The following EYS variants were observed in gnomAD, a reference collection of about 807,000 sequenced individuals.
EYS encodes protein eyes shut homolog.
EYS carries 250 observed loss-of-function variants against 282.1 expected under a neutral mutation model. That is an observed-to-expected ratio of 0.89 (90% CI 0.80 to 0.98). EYS has a LOEUF of 0.98. Ranked by LOEUF, EYS falls within the 50% of genes least tolerant of loss-of-function variation. The probability of loss-of-function intolerance (pLI) is 0.00; values close to 1 mark genes in which losing one functional copy is unlikely to be tolerated. For synonymous variants in EYS, 1,355 were observed against 1,282.9 expected (o/e 1.06, Z -1.20); for missense variants, 4,016 against 3,709.0 (o/e 1.08, Z -2.15).
intron 5 of EYS, among the ~76,000 whole-genome samples, chr6:65,488,305 G>C (rs530048386): frequency 1.3e-5 from 2 of 152,118 alleles, no homozygotes; most frequent in South Asian, 4.1e-4. Context: ...TCTCTTGTGG[G>C]CATTTAGGGC....
intron 13 of EYS, among the ~76,000 whole-genome samples, chr6:64,998,399 A>G (rs758246571): frequency 6.6e-6 from 1 of 152,170 alleles, no homozygotes; most frequent in Non-Finnish European, 1.5e-5. Flanking sequence ...CATGAAATCT[A>G]TACTCCCATT....
intron 22 of EYS, among the ~76,000 whole-genome samples, chr6:64,659,850 A>T (rs1583008816): frequency 2.0e-5 from 3 of 152,184 alleles, no homozygotes; most frequent in Admixed American, 6.5e-5. Flanking sequence ...TATTCCAATC[A>T]ATAGAAAAAG....
intron 15 of EYS, among the ~76,000 whole-genome samples, chr6:64,921,592 G>A (rs1412743976): frequency 6.6e-6 from 1 of 152,142 alleles, no homozygotes; most frequent in Admixed American, 6.5e-5. Flanking sequence ...GAGTCCAAGT[G>A]ATATTCAAAA....
chr6:64,038,607 T>C (rs2149835406), intron 33 of EYS, among the ~76,000 whole-genome samples: 1 of 152,092 alleles, frequency 6.6e-6, no homozygotes, highest in East Asian at 1.9e-4. Context: ...TAAAATTATA[T>C]AAAATGTTTT....
At chr6:65,628,108 G>C (rs2149806273) in intron 2 of EYS, among the ~76,000 whole-genome samples, 1 of 152,020 alleles carries the variant, frequency 6.6e-6, no homozygotes, top group East Asian at 1.9e-4. Context: ...GTGCACCAGT[G>C]GACACTCTGT....
chr6:65,479,483 A>T (rs73741600), intron 5 of EYS, among the ~76,000 whole-genome samples: 1,676 of 152,316 alleles, frequency 0.011, 32 homozygotes, highest in African/African-American at 0.038. Context: ...TGGCTAAGGA[A>T]ATAAAAATAG....
intron 22 of EYS, among the ~76,000 whole-genome samples, chr6:64,746,085 C>T (rs773762914): frequency 6.6e-6 from 1 of 151,566 alleles, no homozygotes; most frequent in Non-Finnish European, 1.5e-5. Context: ...ACTAGCAATA[C>T]CCCAAATAAA....
intron 33 of EYS, among the ~76,000 whole-genome samples, chr6:64,027,679 G>T (rs552018311): frequency 6.6e-6 from 1 of 152,152 alleles, no homozygotes; most frequent in Non-Finnish European, 1.5e-5. Flanking sequence ...CTTTAAAAAA[G>T]ATTGTCCAAT....
chr6:64,217,657 T>C (rs971001290), intron 31 of EYS, among the ~76,000 whole-genome samples: 9 of 152,298 alleles, frequency 5.9e-5, no homozygotes, highest in African/African-American at 2.2e-4. Flanking sequence ...AGAGGCCTTT[T>C]CCTATTTTCT....
intron 33 of EYS, among the ~76,000 whole-genome samples, chr6:64,000,168 CTTTTTTTTTTTTTTTTTTTT>C (rs71551553): frequency 8.7e-4 from 37 of 42,734 alleles, no homozygotes; most frequent in East Asian, 6.8e-3. Context: ...AGACATGGGA[CTTTTTTTTTTTTTTTTTTTT>C]TTTTTTTTTT....
At chr6:64,378,780 T>C (rs1772648460) in intron 29 of EYS, among the ~76,000 whole-genome samples, 1 of 152,144 alleles carries the variant, frequency 6.6e-6, no homozygotes, top group Non-Finnish European at 1.5e-5. Flanking sequence ...CCCACATCTC[T>C]ACTGGCCCTT....
intron 12 of EYS, among the ~76,000 whole-genome samples, chr6:65,286,576 A>G (rs184552087): frequency 1.3e-5 from 2 of 151,942 alleles, no homozygotes; most frequent in Admixed American, 1.3e-4. Flanking sequence ...TGATAAAACT[A>G]TATTATCCAT....
intron 19 of EYS, among the ~76,000 whole-genome samples, chr6:64,875,760 T>TGGG (rs1223857299): frequency 6.6e-6 from 1 of 152,146 alleles, no homozygotes; most frequent in Non-Finnish European, 1.5e-5. Context: ...TGTTCTGTAA[T>TGGG]GTTAAAAGTG....
At chr6:64,429,274 T>C (rs1171755401) in intron 28 of EYS, among the ~76,000 whole-genome samples, 1 of 152,164 alleles carries the variant, frequency 6.6e-6, no homozygotes, top group Non-Finnish European at 1.5e-5. Context: ...TTATTTTGTG[T>C]TTAAAAATAG....
At chr6:64,414,910 T>C (rs1774016671) in intron 28 of EYS, among the ~76,000 whole-genome samples, 1 of 152,164 alleles carries the variant, frequency 6.6e-6, no homozygotes, top group Admixed American at 6.6e-5. Context: ...CTTGGAAGTA[T>C]GAATATTGAG....
chr6:65,588,546 CT>C (rs1005572108), intron 2 of EYS, among the ~76,000 whole-genome samples: 3 of 149,000 alleles, frequency 2.0e-5, no homozygotes, highest in African/African-American at 4.8e-5. Context: ...AACCTTCCCC[CT>C]GTCCATATCG....
intron 2 of EYS, among the ~76,000 whole-genome samples, chr6:65,535,575 G>A (rs945232800): frequency 3.9e-5 from 6 of 152,070 alleles, no homozygotes; most frequent in African/African-American, 7.2e-5. Flanking sequence ...CCAGTCTCAG[G>A]TATGTCTTTA....
At chr6:64,469,807 C>T (rs943510716) in intron 26 of EYS, among the ~76,000 whole-genome samples, 5 of 152,098 alleles carry the variant, frequency 3.3e-5, no homozygotes, top group Non-Finnish European at 5.9e-5. Context: ...AGAGGCCTAA[C>T]CGTCTCCCTG....
intron 29 of EYS, among the ~76,000 whole-genome samples, chr6:64,334,222 G>T (rs1770753989): frequency 6.6e-6 from 1 of 152,130 alleles, no homozygotes; most frequent in Non-Finnish European, 1.5e-5. Context: ...TGTTTGGAGA[G>T]CACCTGCAGG....
Sources: gnomAD v4.1 joint callset for allele counts (sites outside exome capture counted in the v4.1 genomes callset) on GRCh38, gnomAD v4.1.1 for gene constraint, MANE v1.5 for transcripts, NCBI Gene and HGNC (gene_info 2026-07-23, HGNC 2026-07-21) for gene names.